Variants in ANK3 observed in about 807,000 individuals in gnomAD.
ANK3 encodes the protein ankyrin-3.
In ANK3, 57 loss-of-function variants were observed where a neutral mutation model predicts 370.9. The observed-to-expected ratio is 0.15, with a 90% confidence interval of 0.12 to 0.19. ANK3 has a LOEUF of 0.19. Among genes scored for constraint, ANK3 ranks in the 10% least tolerant of loss-of-function variants. ANK3 has a pLI of 1.00. For synonymous variants in ANK3, 1,929 were observed against 1,946.3 expected (o/e 0.99, Z 0.23); for missense variants, 4,439 against 5,302.1 (o/e 0.84, Z 5.06).
intron 2 of ANK3, among the ~76,000 whole-genome samples, chr10:60,470,438 C>T (rs895842566): frequency 2.8e-5 from 4 of 144,580 alleles, no homozygotes; most frequent in Admixed American, 7.3e-5. Flanking sequence ...AATATCAATG[C>T]GGTATTATGT....
chr10:60,729,571 C>T (rs1405833553), intron 1 of ANK3, among the ~76,000 whole-genome samples: 1 of 152,140 alleles, frequency 6.6e-6, no homozygotes, highest in Non-Finnish European at 1.5e-5. Flanking sequence ...TTCATTACTT[C>T]CCTTCTCTTA....
intron 4 of ANK3, 45 bp from the exon 5 acceptor site, chr10:60,270,274 C>T (rs778047129): frequency 6.1e-5 from 86 of 1,404,696 alleles, no homozygotes; most frequent in Non-Finnish European, 8.4e-5. Context: ...TTTCCAGAGA[C>T]AATCTATTTT....
rs1201442327 is a variant in ANK3 at position 60,104,733 on chromosome 10, A to G, written c.3328+1172T>C. ...ATGGTTGGTGGCGATTGTGTCTTAT[A>G]CCAAACCTTTGGCATGACAATTTTT... On this transcript the variant is annotated intron_variant, in intron 28 of 43. Coordinates refer to ENST00000280772, the MANE Select transcript of ANK3 (RefSeq NM_020987.5). 2.0e-5 allele frequency among the ~76,000 whole-genome samples: 3 copies of G among 152,220 alleles called. No individual in the cohort carries two copies. The South Asian group carries it at 6.2e-4, about 32-fold the overall frequency.
intron 1 of ANK3, among the ~76,000 whole-genome samples, chr10:60,338,779 CT>C (rs1437372267): frequency 2.0e-5 from 3 of 152,198 alleles, no homozygotes; most frequent in African/African-American, 7.2e-5. Flanking sequence ...TTCCTAGAAT[CT>C]TTTCCCCCAT....
At chr10:60,725,331 C>CA (rs149112336) in intron 1 of ANK3, among the ~76,000 whole-genome samples, 5,136 of 152,270 alleles carry the variant, frequency 0.034, 115 homozygotes, top group South Asian at 0.071. Context: ...TCCCCTCCAC[C>CA]ACTAATAACA....
intron 1 of ANK3, among the ~76,000 whole-genome samples, chr10:60,330,061 G>A (rs150717823): frequency 0.034 from 5,220 of 152,198 alleles, 252 homozygotes; most frequent in African/African-American, 0.11. Flanking sequence ...AATAAATGAC[G>A]TTGGGAAAAC....
chr10:60,577,808 T>C (rs1306409139), intron 2 of ANK3, among the ~76,000 whole-genome samples: 1 of 152,228 alleles, frequency 6.6e-6, no homozygotes, highest in Non-Finnish European at 1.5e-5. Flanking sequence ...TTCTATATAT[T>C]AGGCTTCTAG....
At chr10:60,053,651 A>G (rs763018497) in intron 42 of ANK3, 43 of 1,299,278 alleles carry the variant, frequency 3.3e-5, no homozygotes, top group Non-Finnish European at 4.1e-5. Flanking sequence ...CTGCATGGAA[A>G]CAGGTGGAAA....
At chr10:60,221,861 A>C (rs2097064933) in intron 8 of ANK3, among the ~76,000 whole-genome samples, 1 of 152,190 alleles carries the variant, frequency 6.6e-6, no homozygotes, top group South Asian at 2.1e-4. Context: ...ATGTTTGTTT[A>C]CTAACAACAT....
rs990686 is a variant in ANK3, at chr10:60,338,409, C to A, written c.114+51016G>T. ...ACCTGGACTGGAGCTCAAGAATGTG[C>A]ATTTATAACAAGTTCCCAGGTGATG... is the stretch of plus-strand genomic sequence containing the variant. On this transcript the variant is annotated intron_variant, in intron 1 of 43. Transcript: ENST00000280772. Among the ~76,000 whole-genome samples, 913 of 152,258 alleles carry A rather than the reference C, an allele frequency of 6.0e-3. 28 individuals carry two copies. In the East Asian group the frequency reaches 0.1, roughly 17 times the overall value.
chr10:60,254,393 A>C (rs1246855891), intron 7 of ANK3, among the ~76,000 whole-genome samples: 1 of 152,080 alleles, frequency 6.6e-6, no homozygotes, highest in Non-Finnish European at 1.5e-5. Flanking sequence ...CCCTTGTAAA[A>C]CCATCAGGAG....
rs1435545492 is a variant in ANK3, at chr10:60,198,362, G to A, written c.1667C>T (p.Ala556Val). The A allele has an allele frequency of 3.1e-6, 5 of 1,614,198 alleles. No homozygotes were observed. The highest frequency in any genetic ancestry group is 4.2e-6 in the Non-Finnish European group (5 of 1,180,018). The change falls in exon 14 of 44, where the codon GCG becomes GTG. Residue 556 changes from alanine (A) to valine (V), a missense_variant. Transcript: ENST00000280772. ...TACCTTTGTTGTTATAGATAAAGAC[G>A]CTCCATGATCCAAAAGGAACGCGGC... ...DVAAFLLDHG[A>V]SLSITTKKGF...
chr10:60,617,343 T>G (rs1020195885), intron 1 of ANK3, among the ~76,000 whole-genome samples: 15 of 152,044 alleles, frequency 9.9e-5, no homozygotes, highest in African/African-American at 3.4e-4. Flanking sequence ...TTATCATAGG[T>G]ATAACGTGAG....
intron 2 of ANK3, among the ~76,000 whole-genome samples, chr10:60,454,377 T>C (rs943531319): frequency 1.3e-5 from 2 of 152,160 alleles, no homozygotes; most frequent in Admixed American, 6.5e-5. Flanking sequence ...TCTTTTCCTA[T>C]CCACCGACTG....
At chr10:60,617,348 C>A (rs74443851) in intron 1 of ANK3, among the ~76,000 whole-genome samples, 1 of 152,064 alleles carries the variant, frequency 6.6e-6, no homozygotes, top group South Asian at 2.1e-4. Flanking sequence ...ATAGGTATAA[C>A]GTGAGATGAG....
chr10:60,607,846 C>A (rs894750650), intron 2 of ANK3, among the ~76,000 whole-genome samples: 2 of 152,106 alleles, frequency 1.3e-5, no homozygotes, highest in African/African-American at 4.8e-5. Context: ...ACCCAAAAAC[C>A]AGAGAATGGT....
intron 16 of ANK3, among the ~76,000 whole-genome samples, chr10:60,192,683 AC>A (rs1403167123): frequency 2.0e-5 from 3 of 152,094 alleles, no homozygotes; most frequent in African/African-American, 7.2e-5. Flanking sequence ...GACATTGGAG[AC>A]TTGGAAAGGT....
rs2096793098 is a variant in ANK3, at chr10:60,208,096, G to A, written c.1134C>T (p.Gly378=). 6.2e-7 allele frequency: 1 copy of A among 1,613,962 alleles called. No individual in the cohort carries two copies. Among genetic ancestry groups the A allele is most frequent in the African/African-American group, 1.3e-5 (1 of 74,902 alleles). Reference sequence around the variant, plus strand: ...AGAGAACCTTGGCAACTTTGTAATGGCCACAGTGGGCAGCCACGTGTAGGG... The same window carrying A: ...AGAGAACCTTGGCAACTTTGTAATGACCACAGTGGGCAGCCACGTGTAGGG... ...LTALHVAAHC[G]HYKVAKVLLD... Residue 378 remains glycine, a synonymous_variant, in exon 10 of 44, where the codon GGC becomes GGT. Coordinates refer to ENST00000280772, the MANE Select transcript of ANK3 (RefSeq NM_020987.5).
intron 1 of ANK3, among the ~76,000 whole-genome samples, chr10:60,677,784 C>CAAAAA (rs752482255): frequency 2.3e-4 from 23 of 99,188 alleles, no homozygotes; most frequent in Non-Finnish European, 4.1e-4. Flanking sequence ...CTCAACTACC[C>CAAAAA]AAAAAAAAAA....
Sources: gnomAD v4.1 joint callset for allele counts (sites outside exome capture counted in the v4.1 genomes callset) on GRCh38, gnomAD v4.1.1 for gene constraint, MANE v1.5 for transcripts, NCBI Gene and HGNC (gene_info 2026-07-23, HGNC 2026-07-21) for gene names.